CTNNA3: variants seen among roughly 807,000 people sequenced by gnomAD.
CTNNA3 encodes the protein catenin alpha-3.
Under a neutral mutation model 95.7 loss-of-function variants are expected in CTNNA3, and 76 were observed. The observed-to-expected ratio is 0.79, with a 90% CI of 0.66 to 0.96. CTNNA3 has a LOEUF of 0.96. CTNNA3 is among the 40% of genes least tolerant of loss of function. The pLI is 0.00. For missense variants in CTNNA3, 1,191 were observed against 1,089.8 expected (o/e 1.09, Z -1.31); for synonymous variants, 431 against 374.4 (o/e 1.15, Z -1.74).
chr10:67,047,916 G>A lies in CTNNA3; in HGVS notation c.1047+132401C>T, dbSNP rs147612909. Reference sequence around the variant, plus strand: ...AAAGTGGCCCTAACACCTACTGGGTGTTAAAAGATAATCTTGGATTAGCAG... The same window carrying A: ...AAAGTGGCCCTAACACCTACTGGGTATTAAAAGATAATCTTGGATTAGCAG... On this transcript the variant is annotated intron_variant, in intron 7 of 17. Coordinates refer to ENST00000433211, the MANE Select transcript of CTNNA3 (RefSeq NM_013266.4). 9.5e-3 allele frequency among the ~76,000 whole-genome samples: 1,442 copies of A among 152,106 alleles called. 25 individuals are homozygous for A. Among genetic ancestry groups the A allele is most frequent in the African/African-American group, 0.033 (1,375 of 41,502 alleles).
chr10:67,073,552 G>C (rs1856578639), intron 7 of CTNNA3, among the ~76,000 whole-genome samples: 1 of 151,348 alleles, frequency 6.6e-6, no homozygotes, highest in South Asian at 2.1e-4. Context: ...TAGATGCTAT[G>C]ATTAAGCCCA....
intron 5 of CTNNA3, among the ~76,000 whole-genome samples, chr10:67,391,696 C>G (rs1373897399): frequency 6.7e-6 from 1 of 148,814 alleles, no homozygotes; most frequent in African/African-American, 2.5e-5. Flanking sequence ...GGTACTGGTA[C>G]CAAAACAGAG....
intron 6 of CTNNA3, among the ~76,000 whole-genome samples, chr10:67,209,250 T>C (rs1393941320): frequency 6.6e-6 from 1 of 152,168 alleles, no homozygotes; most frequent in Non-Finnish European, 1.5e-5. Context: ...GGTTTCACTA[T>C]GTTGGCCAGG....
rs568621161 is a variant in CTNNA3, at chr10:66,343,881, C to T, written c.1732+35271G>A. Among the ~76,000 whole-genome samples, 216 of 151,890 alleles carry T rather than the reference C, an allele frequency of 1.4e-3. 3 individuals carry two copies. Among genetic ancestry groups the T allele is most frequent in the African/African-American group, 5.1e-3 (211 of 41,458 alleles). On this transcript the variant is annotated intron_variant, in intron 12 of 17. Transcript: ENST00000433211. ...AATTAAATAAATTTAAAAAGACAAG[C>T]CCTCTCAATCTTCAAATTCTATAAT...
intron 15 of CTNNA3, among the ~76,000 whole-genome samples, chr10:66,049,522 G>A (rs2079904214): frequency 1.3e-5 from 2 of 152,172 alleles, no homozygotes; most frequent in South Asian, 2.1e-4. Context: ...CAGTCGCAAA[G>A]ACATGGCATG....
intron 7 of CTNNA3, among the ~76,000 whole-genome samples, chr10:66,821,149 G>C (rs1243791156): frequency 6.6e-6 from 1 of 152,048 alleles, no homozygotes; most frequent in Non-Finnish European, 1.5e-5. Context: ...GTCTATTCAT[G>C]CACATAGTTT....
chr10:66,201,429 T>G (rs959465269), intron 13 of CTNNA3, among the ~76,000 whole-genome samples: 1 of 152,078 alleles, frequency 6.6e-6, no homozygotes, highest in Non-Finnish European at 1.5e-5. Flanking sequence ...TCAACCAGAG[T>G]TTCATTAGCA....
Position 66,516,040 on chromosome 10 carries a change from A to C in CTNNA3, c.1531+4577T>G, listed in dbSNP as rs141998939. 1.0e-4 allele frequency among the ~76,000 whole-genome samples: 15 copies of C among 145,764 alleles called. No individual in the cohort carries two copies. The East Asian group carries it at 2.6e-3, about 25-fold the overall frequency. ...GATTGTGCCAATTCTCATCACAGCT[A>C]TTCAAACTATGATTAATTATCTGGA... On this transcript the variant is annotated intron_variant, in intron 11 of 17. Transcript: ENST00000433211.
At chr10:66,503,370 A>G (rs1840343933) in intron 11 of CTNNA3, among the ~76,000 whole-genome samples, 1 of 152,184 alleles carries the variant, frequency 6.6e-6, no homozygotes, top group Non-Finnish European at 1.5e-5. Context: ...ATTTTCAAAG[A>G]GGCATTTAGG....
intron 7 of CTNNA3, among the ~76,000 whole-genome samples, chr10:66,783,406 T>A (rs898218200): frequency 1.3e-5 from 2 of 152,144 alleles, no homozygotes; most frequent in East Asian, 1.9e-4. Context: ...ATTATGTCTT[T>A]ACTGATATTT....
chr10:66,370,644 C>G (rs1046448294), intron 12 of CTNNA3, among the ~76,000 whole-genome samples: 1 of 152,066 alleles, frequency 6.6e-6, no homozygotes, highest in Non-Finnish European at 1.5e-5. Context: ...AACTGCAGAG[C>G]CTCTGATCCC....
chr10:67,731,407 G>A (rs1841272897), intron 1 of CTNNA3, among the ~76,000 whole-genome samples: 1 of 152,052 alleles, frequency 6.6e-6, no homozygotes, highest in Non-Finnish European at 1.5e-5. Flanking sequence ...GTTGAACCTG[G>A]GAAGCGGAGG....
chr10:66,392,441 C>A (rs951291879), intron 11 of CTNNA3, among the ~76,000 whole-genome samples: 13 of 151,148 alleles, frequency 8.6e-5, no homozygotes, highest in African/African-American at 2.9e-4. Context: ...AAAAACAAAA[C>A]AAAAAAAAGA....
chr10:67,471,701 G>C (rs1466272640), intron 5 of CTNNA3, among the ~76,000 whole-genome samples: 1 of 152,144 alleles, frequency 6.6e-6, no homozygotes, highest in Non-Finnish European at 1.5e-5. Flanking sequence ...GGGAGTGGAT[G>C]TTTTTAGACA....
At chr10:66,542,905 AAAAAT>A (rs1171658595) in intron 10 of CTNNA3, among the ~76,000 whole-genome samples, 2 of 152,178 alleles carry the variant, frequency 1.3e-5, no homozygotes, top group African/African-American at 4.8e-5. Flanking sequence ...TATACATTAA[AAAAAT>A]AAAATAAAAC....
intron 12 of CTNNA3, among the ~76,000 whole-genome samples, chr10:66,303,795 G>C (rs923580434): frequency 6.6e-6 from 1 of 151,946 alleles, no homozygotes; most frequent in Non-Finnish European, 1.5e-5. Context: ...GGGTTTCACC[G>C]TGTTAGCCAG....
chr10:67,277,739 A>T (rs1194575236), intron 5 of CTNNA3, among the ~76,000 whole-genome samples: 2 of 152,168 alleles, frequency 1.3e-5, no homozygotes. Flanking sequence ...ACTTTTCATT[A>T]AAGGCTAATT....
At chr10:67,727,817 ATATAT>A (rs1301921155) in intron 1 of CTNNA3, among the ~76,000 whole-genome samples, 1 of 129,498 alleles carries the variant, frequency 7.7e-6, no homozygotes, top group Non-Finnish European at 1.5e-5. Flanking sequence ...ATTATATATC[ATATAT>A]TATATTACAT....
intron 9 of CTNNA3, among the ~76,000 whole-genome samples, chr10:66,757,463 TAGA>T (rs1431858490): frequency 1.3e-5 from 2 of 152,190 alleles, no homozygotes; most frequent in African/African-American, 2.4e-5. Flanking sequence ...ACTTTCTCAT[TAGA>T]AGAAGATGAC....
Sources: allele counts gnomAD v4.1 joint callset (sites outside exome capture counted in the v4.1 genomes callset), GRCh38; gene constraint gnomAD v4.1.1; transcripts MANE v1.5; gene names NCBI Gene and HGNC (gene_info 2026-07-23, HGNC 2026-07-21).